Variants in FUNDC2 observed in about 807,000 individuals in gnomAD.
The protein encoded by FUNDC2 is FUN14 domain-containing protein 2.
FUNDC2 carries 4 observed loss-of-function variants against 15.6 expected under a neutral mutation model. The observed-to-expected ratio is 0.26, with a 90% confidence interval of 0.13 to 0.59. FUNDC2 has a LOEUF of 0.59. Among genes scored for constraint, FUNDC2 ranks in the 20% least tolerant of loss-of-function variants. The pLI, the probability that FUNDC2 is intolerant of heterozygous loss-of-function variation, is 0.90. For missense variants in FUNDC2, 98 were observed against 149.7 expected (o/e 0.65, Z 1.80); for synonymous variants, 44 against 56.9 (o/e 0.77, Z 1.02).
intron 3 of FUNDC2, chrX:155,047,454 A>G (rs1440301597): frequency 2.9e-6 from 1 of 340,383 alleles, no homozygotes. Flanking sequence ...TGAAAATCAA[A>G]TGTATCGAAG....
chrX:155,059,440 G>A lies in FUNDC2; in HGVS notation c.*4768G>A, dbSNP rs1569560333. On this transcript the variant is annotated 3_prime_UTR_variant, in exon 5 of 5. Transcript: ENST00000369498. ...CATCACTAATAGCCAACTTAACAAA[G>A]TTTTTTTTTTTTTTTGGTTTCTAAA... is the stretch of plus-strand genomic sequence containing the variant. 1.1e-5 allele frequency: 1 copy of A among 93,400 alleles called. No individual in the cohort carries two copies. Among genetic ancestry groups the A allele is most frequent in the African/African-American group, 3.9e-5 (1 of 25,857 alleles). 7.7% of individuals were successfully genotyped at this position (93,400 alleles called of 1,213,427 possible). A position where few individuals can be genotyped will look rare whatever the true frequency, so the allele number is the denominator to read the frequency against.
At chrX:155,047,329 CAG>C in intron 3 of FUNDC2, 3 of 342,449 alleles carry the variant, frequency 8.8e-6, no homozygotes, top group South Asian at 5.2e-5. Context: ...TGAATCATGC[CAG>C]AGTCTCTGAA....
chrX:155,039,302 G>A (rs1395916879), intron 2 of FUNDC2, among the ~76,000 whole-genome samples: 2 of 111,509 alleles, frequency 1.8e-5, no homozygotes, highest in Admixed American at 1.9e-4. Flanking sequence ...CCATTCTTTA[G>A]GTTGTCTCTT....
rs1557288266 is a variant in FUNDC2 at position 155,026,929 on chromosome X, C to T, written c.-10C>T. The T allele has an allele frequency of 5.9e-6, 7 of 1,183,847 alleles. No homozygotes were observed. The highest frequency in any genetic ancestry group is 5.2e-5 in the African/African-American group (3 of 57,253). The stretch of plus-strand genomic sequence containing the variant: ...CGCCCGGCCCTCCCTCTTCCGCTGC[C>T]GCCGTGGGAATGGAAACATCTGCCC... On this transcript the variant is annotated 5_prime_UTR_variant, in exon 1 of 5. Transcript: ENST00000369498.
chrX:155,057,032 GGCCTCATCCT>G lies in FUNDC2; in HGVS notation c.*2363_*2372del, dbSNP rs1264188757. The G allele has an allele frequency of 2.0e-5, 2 of 98,178 alleles. No individual in the cohort carries two copies. The highest frequency in any genetic ancestry group is 5.7e-4 in the East Asian group (2 of 3,514). 8.1% of individuals were successfully genotyped at this position (98,178 alleles called of 1,213,427 possible). A position where few individuals can be genotyped will look rare whatever the true frequency, so the allele number is the denominator to read the frequency against. On this transcript the variant is annotated 3_prime_UTR_variant, in exon 5 of 5. Transcript: ENST00000369498. ...ATGGTTGAGGTCAGTATTGCAGGTTGGCCTCATCCTGCTAGTATGAGAACGGCTGTGAGTT... is the reference window on the plus strand; with the variant it reads ...ATGGTTGAGGTCAGTATTGCAGGTTGGCTAGTATGAGAACGGCTGTGAGTT...
At chrX:155,048,915 G>A (rs1261010443) in intron 3 of FUNDC2, among the ~76,000 whole-genome samples, 1 of 112,470 alleles carries the variant, frequency 8.9e-6, no homozygotes, top group Non-Finnish European at 1.9e-5. Context: ...TTGAAATACA[G>A]TTGATATTTT....
At chrX:155,032,770 T>C (rs1199742005) in intron 1 of FUNDC2, among the ~76,000 whole-genome samples, 1 of 112,194 alleles carries the variant, frequency 8.9e-6, no homozygotes, top group Non-Finnish European at 1.9e-5. Flanking sequence ...CTGAATAGCA[T>C]TGAGCTACTT....
chrX:155,026,993 C>T lies in FUNDC2; in HGVS notation c.55C>T (p.His19Tyr), dbSNP rs1455563669. Residue 19 changes from histidine (H) to tyrosine (Y), a missense_variant, in exon 1 of 5, where the codon CAC (histidine) becomes TAC (tyrosine). Physicochemically the swap from His to Tyr is moderately conservative, Grantham distance 83 (BLOSUM62 2). Transcript: ENST00000369498. ...CCAAGTGGTGGCGACAACTGCGCGC[C>T]ACTCCGCGGCCTACCGCGCAGATCC... ...GSQVVATTAR[H>Y]SAAYRADPLR... 23 of 1,201,835 alleles carry T rather than the reference C, an allele frequency of 1.9e-5. No homozygotes were observed. The highest frequency in any genetic ancestry group is 2.6e-5 in the Non-Finnish European group (23 of 891,618).
intron 3 of FUNDC2, chrX:155,051,420 T>C: frequency 3.2e-6 from 1 of 308,779 alleles, no homozygotes. Flanking sequence ...TGTAACTCTT[T>C]GTAAAAGGGT....
At chrX:155,053,370 G>C (rs2073884456) in intron 4 of FUNDC2, among the ~76,000 whole-genome samples, 1 of 111,676 alleles carries the variant, frequency 9.0e-6, no homozygotes, top group Non-Finnish European at 1.9e-5. Context: ...TGAGAAACAG[G>C]ATGAAGATTT....
chrX:155,034,674 C>T (rs188638867), intron 2 of FUNDC2, among the ~76,000 whole-genome samples: 7 of 112,048 alleles, frequency 6.2e-5, no homozygotes, highest in African/African-American at 1.9e-4. Flanking sequence ...CTTGATTTTG[C>T]CAGGCTATTA....
rs2073914304 is a variant in FUNDC2, at chrX:155,058,027, T to C, written c.*3355T>C. Reference sequence around the variant, plus strand: ...CCATTGTCATGAGTGTTATTGCCATTGTGATAATATGTTAGCATGACTCTC... The same window carrying C: ...CCATTGTCATGAGTGTTATTGCCATCGTGATAATATGTTAGCATGACTCTC... On this transcript the variant is annotated 3_prime_UTR_variant, in exon 5 of 5. Coordinates refer to ENST00000369498, the MANE Select transcript of FUNDC2 (RefSeq NM_023934.4). 1 of 110,927 alleles carries C rather than the reference T, an allele frequency of 9.0e-6. No homozygotes were observed. The allele number at this position is 110,927 out of a possible 1,213,427, so 9.1% of individuals were successfully genotyped here.
intron 2 of FUNDC2, among the ~76,000 whole-genome samples, chrX:155,037,376 C>T (rs887046766): frequency 9.0e-6 from 1 of 111,568 alleles, no homozygotes; most frequent in African/African-American, 3.3e-5. Flanking sequence ...AGCTGTTCCA[C>T]TCAGGGTTAT....
intron 2 of FUNDC2, among the ~76,000 whole-genome samples, chrX:155,035,768 G>C (rs1418854945): frequency 1.8e-5 from 2 of 112,071 alleles, no homozygotes; most frequent in African/African-American, 6.5e-5. Flanking sequence ...CCGCCTCCTG[G>C]GTTCAAGCAG....
rs2073891417 is a variant in FUNDC2 at position 155,055,446 on chromosome X, T to A, written c.*774T>A. 3.4e-6 allele frequency: 1 copy of A among 294,550 alleles called. No homozygotes were observed. The highest frequency in any genetic ancestry group is 6.1e-5 in the Admixed American group (1 of 16,359). The allele number at this position is 294,550 out of a possible 1,213,427, so 24.3% of individuals were successfully genotyped here. On this transcript the variant is annotated 3_prime_UTR_variant, in exon 5 of 5. Transcript: ENST00000369498. ...ACTCCTCTGTGCCACTTCTACTATT[T>A]TTTTTTTTAATCTAGTTAGTATGAA...
chrX:155,057,910 T>C lies in FUNDC2; in HGVS notation c.*3238T>C, dbSNP rs1322182894. On this transcript the variant is annotated 3_prime_UTR_variant, in exon 5 of 5. Coordinates refer to ENST00000369498, the MANE Select transcript of FUNDC2 (RefSeq NM_023934.4). ...GGGCTCAACAGATGGAGTCCAATGT[T>C]TCAGTCTCCCCCAAGAATGTGTATC... 1 of 111,474 alleles carries C rather than the reference T, an allele frequency of 9.0e-6. No individual in the cohort carries two copies. The highest frequency in any genetic ancestry group is 2.8e-4 in the East Asian group (1 of 3,552). 9.2% of individuals were successfully genotyped at this position (111,474 alleles called of 1,213,427 possible).
chrX:155,041,968 C>T (rs1389360258), intron 2 of FUNDC2, among the ~76,000 whole-genome samples: 1 of 103,466 alleles, frequency 9.7e-6, no homozygotes, highest in Non-Finnish European at 2.0e-5. Context: ...ACTCGGGAGG[C>T]TGAGGCAGGA....
chrX:155,044,295 A>G (rs1165295158), intron 2 of FUNDC2, among the ~76,000 whole-genome samples: 8 of 111,812 alleles, frequency 7.2e-5, no homozygotes, highest in African/African-American at 2.0e-4. Flanking sequence ...AGTAACCTAC[A>G]TCAGAGATCA....
chrX:155,055,273 C>G lies in FUNDC2; in HGVS notation c.*601C>G. On this transcript the variant is annotated 3_prime_UTR_variant, in exon 5 of 5. Transcript: ENST00000369498. ...CTTTCTACCGTACAGGATAATGTAT[C>G]TCATGGCTGTTTCCAAAGGGTTTAT... is the stretch of plus-strand genomic sequence containing the variant. The G allele has an allele frequency of 3.4e-6, 1 of 297,191 alleles. No homozygotes were observed. Among genetic ancestry groups the G allele is most frequent in the South Asian group, 2.0e-4 (1 of 5,045 alleles). 24.5% of individuals were successfully genotyped at this position (297,191 alleles called of 1,213,427 possible). A position where few individuals can be genotyped will look rare whatever the true frequency, so the allele number is the denominator to read the frequency against.
Sources: gnomAD v4.1 joint callset for allele counts (sites outside exome capture counted in the v4.1 genomes callset) on GRCh38, gnomAD v4.1.1 for gene constraint, MANE v1.5 for transcripts, NCBI Gene and HGNC (gene_info 2026-07-23, HGNC 2026-07-21) for gene names.